The following GALNT13 variants were observed in gnomAD, a reference collection of about 807,000 sequenced individuals.
GALNT13 encodes the protein polypeptide N-acetylgalactosaminyltransferase 13.
A neutral mutation model predicts 64.2 loss-of-function variants in GALNT13; 28 were observed. The observed-to-expected ratio is 0.44, with a 90% CI of 0.32 to 0.60. The LOEUF is 0.60. Ranked by LOEUF, GALNT13 falls within the 20% of genes least tolerant of loss-of-function variation. The pLI is 0.05. For missense variants in GALNT13, 577 were observed against 669.8 expected (o/e 0.86, Z 1.53); for synonymous variants, 214 against 224.6 (o/e 0.95, Z 0.42).
the GALNT13 span, among the ~76,000 whole-genome samples, chr2:153,305,641 C>A: frequency 3.6e-3 from 541 of 152,206 alleles, 6 homozygotes; most frequent in African/African-American, 0.012. Flanking sequence ...GTTTGGAGCA[C>A]TTTCCAAAAT....
the GALNT13 span, among the ~76,000 whole-genome samples, chr2:153,543,669 G>C: frequency 2.6e-5 from 4 of 152,070 alleles, no homozygotes; most frequent in African/African-American, 9.7e-5. Context: ...CTCAATAAAT[G>C]CCTGTGACTC....
the GALNT13 span, among the ~76,000 whole-genome samples, chr2:153,182,030 G>GTTATC: frequency 1.3e-5 from 2 of 150,592 alleles, no homozygotes; most frequent in Admixed American, 1.3e-4. Flanking sequence ...ATAATAAGCA[G>GTTATC]TTTTCTTTTC....
At chr2:153,966,610 C>T (rs1693373583) in intron 3 of GALNT13, among the ~76,000 whole-genome samples, 1 of 151,942 alleles carries the variant, frequency 6.6e-6, no homozygotes, top group African/African-American at 2.4e-5. Flanking sequence ...CCTCGTGATC[C>T]GCCCGCCTCG....
At chr2:153,812,501 TA>T in the GALNT13 span, among the ~76,000 whole-genome samples, 1 of 152,152 alleles carries the variant, frequency 6.6e-6, no homozygotes, top group South Asian at 2.1e-4. Flanking sequence ...CACTTACTAT[TA>T]AAAATATTTC....
the GALNT13 span, among the ~76,000 whole-genome samples, chr2:153,437,931 T>TAACA: frequency 6.6e-6 from 1 of 152,272 alleles, no homozygotes; most frequent in African/African-American, 2.4e-5. Flanking sequence ...TCGATGGTCT[T>TAACA]TACAATTGGC....
At chr2:154,379,819 A>G (rs1698181234) in intron 9 of GALNT13, among the ~76,000 whole-genome samples, 1 of 152,058 alleles carries the variant, frequency 6.6e-6, no homozygotes, top group South Asian at 2.1e-4. Flanking sequence ...AAACAATTGC[A>G]AAGTTAAGTA....
the GALNT13 span, among the ~76,000 whole-genome samples, chr2:153,133,711 A>T: frequency 6.6e-6 from 1 of 152,136 alleles, no homozygotes; most frequent in Non-Finnish European, 1.5e-5. Flanking sequence ...ACAACTTTCC[A>T]TTTGTCTATA....
At chr2:154,430,474 C>A (rs1020467313) in intron 11 of GALNT13, among the ~76,000 whole-genome samples, 8 of 152,158 alleles carry the variant, frequency 5.3e-5, no homozygotes, top group African/African-American at 1.7e-4. Context: ...CAAGCTAAAA[C>A]TTTAATGAAT....
chr2:154,347,143 G>A (rs566199584), intron 9 of GALNT13, among the ~76,000 whole-genome samples: 24 of 152,222 alleles, frequency 1.6e-4, no homozygotes, highest in South Asian at 8.3e-4. Context: ...TAATTAACAA[G>A]TAATTAATGC....
At chr2:153,614,986 T>C in the GALNT13 span, among the ~76,000 whole-genome samples, 2 of 152,062 alleles carry the variant, frequency 1.3e-5, no homozygotes, top group Non-Finnish European at 2.9e-5. Flanking sequence ...TCCAACTATT[T>C]ATTGTTGCCG....
chr2:153,809,072 A>G, the GALNT13 span, among the ~76,000 whole-genome samples: 3 of 152,188 alleles, frequency 2.0e-5, no homozygotes, highest in African/African-American at 2.4e-5. Context: ...TTGCTTTGTC[A>G]TCAAAATGAC....
upstream of GALNT13, among the ~76,000 whole-genome samples, chr2:153,871,132 T>C (rs11682287): frequency 0.82 from 125,057 of 152,186 alleles, 52,622 homozygotes; most frequent in Non-Finnish European, 0.9. Flanking sequence ...CATGGGGGTA[T>C]TGGTACAACA....
chr2:154,429,054 C>T (rs1316051151), intron 11 of GALNT13, among the ~76,000 whole-genome samples: 2 of 152,128 alleles, frequency 1.3e-5, no homozygotes, highest in Non-Finnish European at 2.9e-5. Context: ...GCTCCACAGA[C>T]TGGCCATTCC....
chr2:154,183,122 T>C (rs1420631691), intron 4 of GALNT13, among the ~76,000 whole-genome samples: 1 of 152,206 alleles, frequency 6.6e-6, no homozygotes, highest in Non-Finnish European at 1.5e-5. Context: ...CTTCTTTAAA[T>C]ATTTGTTAGA....
At chr2:153,633,372 C>T in the GALNT13 span, among the ~76,000 whole-genome samples, 2 of 152,136 alleles carry the variant, frequency 1.3e-5, no homozygotes, top group Non-Finnish European at 2.9e-5. Flanking sequence ...GACATTATCT[C>T]ACCAAGTAGT....
chr2:153,620,597 A>G, the GALNT13 span, among the ~76,000 whole-genome samples: 1 of 151,868 alleles, frequency 6.6e-6, no homozygotes, highest in African/African-American at 2.4e-5. Context: ...TAGCTCCAGA[A>G]TTTCTGCTTG....
chr2:154,354,052 C>T (rs754267116), intron 9 of GALNT13, among the ~76,000 whole-genome samples: 1 of 152,158 alleles, frequency 6.6e-6, no homozygotes, highest in Non-Finnish European at 1.5e-5. Flanking sequence ...TTTCTTCTCT[C>T]TACCCCCACC....
the GALNT13 span, among the ~76,000 whole-genome samples, chr2:153,093,400 G>C: frequency 6.6e-6 from 1 of 151,704 alleles, no homozygotes; most frequent in Admixed American, 6.6e-5. Context: ...CACCATGCCT[G>C]GCTACTTTTT....
At chr2:153,224,924 A>G in the GALNT13 span, among the ~76,000 whole-genome samples, 1 of 152,358 alleles carries the variant, frequency 6.6e-6, no homozygotes, top group Admixed American at 6.5e-5. Flanking sequence ...TCAGTGATCC[A>G]TATTATTTTC....
Sources: gnomAD v4.1 joint callset for allele counts (sites outside exome capture counted in the v4.1 genomes callset) on GRCh38, gnomAD v4.1.1 for gene constraint, MANE v1.5 for transcripts, NCBI Gene and HGNC (gene_info 2026-07-23, HGNC 2026-07-21) for gene names.